The following EPHA5 variants were observed in gnomAD, a reference collection of about 807,000 sequenced individuals.
The protein encoded by EPHA5 is EPH receptor A5, also known as ephrin type-A receptor 5.
Under a neutral mutation model 105.0 loss-of-function variants are expected in EPHA5, and 60 were observed. That is an observed-to-expected ratio of 0.57 (90% CI 0.46 to 0.71). The LOEUF is 0.71. Ranked by LOEUF, EPHA5 falls within the 30% of genes least tolerant of loss-of-function variation. The pLI is 0.00. For synonymous variants in EPHA5, 513 were observed against 449.1 expected, an observed-to-expected ratio of 1.14 and a Z score of -1.80; for missense variants, 1,218 against 1,274.7, an observed-to-expected ratio of 0.96 and a Z score of 0.68.
chr4:65,459,228 C>T (rs939762274), intron 5 of EPHA5, among the ~76,000 whole-genome samples: 1 of 151,958 alleles, frequency 6.6e-6, no homozygotes, highest in Non-Finnish European at 1.5e-5. Context: ...AGGTAAGTAA[C>T]ACATCTTAAT....
intron 2 of EPHA5, among the ~76,000 whole-genome samples, chr4:65,640,286 T>TTTC (rs1483909673): frequency 8.9e-4 from 122 of 137,108 alleles, no homozygotes; most frequent in Non-Finnish European, 1.3e-3. Flanking sequence ...TTTTTTCTTT[T>TTTC]TTTTTTTTTT....
chr4:65,410,309 C>G (rs559446984), intron 7 of EPHA5, among the ~76,000 whole-genome samples: 2 of 152,068 alleles, frequency 1.3e-5, no homozygotes, highest in Non-Finnish European at 1.5e-5. Context: ...AAGCCAATTC[C>G]AAATTAAAAG....
At chr4:65,482,908 C>T (rs1265764033) in intron 5 of EPHA5, among the ~76,000 whole-genome samples, 5 of 151,042 alleles carry the variant, frequency 3.3e-5, no homozygotes, top group South Asian at 2.1e-4. Context: ...ATGTGCACAA[C>T]GTGCAGGTTT....
At chr4:65,552,927 TA>T (rs2149343122) in intron 3 of EPHA5, among the ~76,000 whole-genome samples, 1 of 152,214 alleles carries the variant, frequency 6.6e-6, no homozygotes, top group Admixed American at 6.5e-5. Flanking sequence ...TAACTTAAGG[TA>T]AATTGCTTTA....
intron 5 of EPHA5, among the ~76,000 whole-genome samples, chr4:65,434,366 G>A (rs942378272): frequency 2.0e-5 from 3 of 151,788 alleles, no homozygotes; most frequent in African/African-American, 7.3e-5. Context: ...CCTGGTTTTC[G>A]CCATGTTTGT....
chr4:65,557,639 A>G (rs149447820), intron 3 of EPHA5, among the ~76,000 whole-genome samples: 265 of 152,092 alleles, frequency 1.7e-3, no homozygotes, highest in African/African-American at 6.1e-3. Flanking sequence ...GGAAATTTGT[A>G]AAAAGTAACA....
At chr4:65,599,579 G>A (rs545213939) in intron 3 of EPHA5, among the ~76,000 whole-genome samples, 1 of 152,056 alleles carries the variant, frequency 6.6e-6, no homozygotes, top group Non-Finnish European at 1.5e-5. Flanking sequence ...ACCAGCAAGC[G>A]TTAATCATAC....
At chr4:65,615,108 G>T (rs1745111706) in intron 2 of EPHA5, among the ~76,000 whole-genome samples, 1 of 151,572 alleles carries the variant, frequency 6.6e-6, no homozygotes, top group African/African-American at 2.4e-5. Flanking sequence ...AGTATAAAAT[G>T]AACTGGAAAA....
intron 7 of EPHA5, among the ~76,000 whole-genome samples, chr4:65,410,419 T>A (rs1304848942): frequency 6.6e-6 from 1 of 152,194 alleles, no homozygotes; most frequent in African/African-American, 2.4e-5. Context: ...TGATAACACA[T>A]TTGTTCTTAA....
At chr4:65,657,935 A>G (rs1166243885) in intron 1 of EPHA5, among the ~76,000 whole-genome samples, 4 of 146,282 alleles carry the variant, frequency 2.7e-5, no homozygotes, top group African/African-American at 1.0e-4. Context: ...TTTTACTGCC[A>G]GTTTTTGTGG....
intron 3 of EPHA5, among the ~76,000 whole-genome samples, chr4:65,496,638 A>C (rs1410910041): frequency 1.3e-5 from 2 of 151,698 alleles, no homozygotes; most frequent in African/African-American, 4.8e-5. Flanking sequence ...ATTGTTGGAC[A>C]TTTGGGTTGG....
intron 14 of EPHA5, 103 bp from the exon 15 acceptor site, chr4:65,336,228 C>T (rs1459734036): frequency 2.4e-6 from 2 of 850,938 alleles, no homozygotes; most frequent in African/African-American, 1.8e-5. Flanking sequence ...CTTATCCTTA[C>T]TCTTGCAATA....
In EPHA5 at chr4:65,622,964, C is replaced by T. The variant is rs371388648; in HGVS notation, c.246+20399G>A. 3.3e-5 allele frequency among the ~76,000 whole-genome samples: 5 copies of T among 152,062 alleles called. No individual in the cohort carries two copies. The South Asian group carries it at 6.2e-4, about 19-fold the overall frequency. On this transcript the variant is annotated intron_variant, in intron 2 of 16. Transcript: ENST00000613740. ...GAGAACTGTTAAGCCAGTGTATTAA[C>T]ATTAAAGTTTAAGAGCATATATTCA...
intron 8 of EPHA5, among the ~76,000 whole-genome samples, chr4:65,372,958 A>C (rs2148909673): frequency 6.6e-6 from 1 of 152,052 alleles, no homozygotes; most frequent in East Asian, 1.9e-4. Context: ...TGCAAAGATA[A>C]ATTATACACT....
intron 11 of EPHA5, among the ~76,000 whole-genome samples, chr4:65,362,969 T>C (rs1241698690): frequency 2.6e-5 from 4 of 151,688 alleles, no homozygotes; most frequent in Admixed American, 1.3e-4. Context: ...TCAAAAATTG[T>C]CATGTACGCA....
At chr4:65,403,277 A>G (rs776412729) in intron 8 of EPHA5, among the ~76,000 whole-genome samples, 24 of 152,184 alleles carry the variant, frequency 1.6e-4, no homozygotes, top group Non-Finnish European at 2.6e-4. Flanking sequence ...AAAGTGCCCA[A>G]TTCTGTATAT....
chr4:65,420,301 T>A, intron 6 of EPHA5, 140 bp downstream of exon 6: 2 of 825,168 alleles, frequency 2.4e-6, no homozygotes, highest in South Asian at 3.7e-5. Flanking sequence ...ACTTCTAGCC[T>A]CCATAATTAT....
chr4:65,376,452 G>A (rs542363708), intron 8 of EPHA5, among the ~76,000 whole-genome samples: 4 of 152,014 alleles, frequency 2.6e-5, no homozygotes, highest in Admixed American at 2.0e-4. Context: ...TACTTCATTG[G>A]CATCAAAGTG....
chr4:65,520,187 C>T (rs567732063), intron 3 of EPHA5, among the ~76,000 whole-genome samples: 1 of 152,094 alleles, frequency 6.6e-6, no homozygotes, highest in East Asian at 1.9e-4. Flanking sequence ...GAGATATAGA[C>T]CAATGGAACA....
Sources: allele counts gnomAD v4.1 joint callset (sites outside exome capture counted in the v4.1 genomes callset), GRCh38; gene constraint gnomAD v4.1.1; transcripts MANE v1.5; gene names NCBI Gene and HGNC (gene_info 2026-07-23, HGNC 2026-07-21).